The following FMN2 variants were observed in gnomAD, a reference collection of about 807,000 sequenced individuals.
The protein encoded by FMN2 is formin 2.
In FMN2, 51 loss-of-function variants were observed where a neutral mutation model predicts 142.3. That is an observed-to-expected ratio of 0.36 (90% confidence interval 0.29 to 0.45). The LOEUF (loss-of-function observed/expected upper bound fraction) is 0.45, where lower values mean the gene tolerates loss of function less well. FMN2 is among the 20% of genes least tolerant of loss of function. The probability of loss-of-function intolerance (pLI) is 1.00; values close to 1 mark genes in which losing one functional copy is unlikely to be tolerated. For synonymous variants in FMN2, 882 were observed against 869.8 expected, an observed-to-expected ratio of 1.01 and a Z score of -0.25; for missense variants, 1,936 against 2,122.8, an observed-to-expected ratio of 0.91 and a Z score of 1.73.
intron 8 of FMN2, among the ~76,000 whole-genome samples, chr1:240,299,941 G>C (rs2102970565): frequency 6.6e-6 from 1 of 152,270 alleles, no homozygotes; most frequent in South Asian, 2.1e-4. Flanking sequence ...GTGGCGCGCT[G>C]TATGAAGGCA....
chr1:240,289,578 G>T (rs1222543544), intron 7 of FMN2, among the ~76,000 whole-genome samples: 1 of 152,014 alleles, frequency 6.6e-6, no homozygotes, highest in Non-Finnish European at 1.5e-5. Flanking sequence ...ACATGGAGAG[G>T]CTGAGATGAG....
At chr1:240,303,039 C>T (rs1218278433) in intron 8 of FMN2, among the ~76,000 whole-genome samples, 2 of 118,492 alleles carry the variant, frequency 1.7e-5, no homozygotes, top group East Asian at 4.7e-4. Context: ...GTCTCTATGA[C>T]TAAAAAAAAA....
At chr1:240,325,709 G>C (rs569854779) in intron 8 of FMN2, among the ~76,000 whole-genome samples, 1 of 152,300 alleles carries the variant, frequency 6.6e-6, no homozygotes, top group Non-Finnish European at 1.5e-5. Flanking sequence ...GTGCAGTAAG[G>C]CATCCCTTTT....
chr1:240,180,145 CT>C, intron 3 of FMN2: 1 of 1,272,492 alleles, frequency 7.9e-7, no homozygotes, highest in Admixed American at 2.4e-5. Flanking sequence ...AACTTGTCTC[CT>C]TTTTAAAAAT....
intron 14 of FMN2, among the ~76,000 whole-genome samples, chr1:240,372,005 G>A (rs755878739): frequency 6.6e-6 from 1 of 152,164 alleles, no homozygotes; most frequent in African/African-American, 2.4e-5. Flanking sequence ...GGAGGCCGAG[G>A]CGGGTGGATC....
intron 6 of FMN2, among the ~76,000 whole-genome samples, chr1:240,237,155 C>T (rs1667738862): frequency 6.6e-6 from 1 of 152,136 alleles, no homozygotes; most frequent in Non-Finnish European, 1.5e-5. Context: ...TCTCATGAAA[C>T]AAAACAATGA....
chr1:240,454,171 C>T (rs1049548357), intron 16 of FMN2, among the ~76,000 whole-genome samples: 4 of 135,234 alleles, frequency 3.0e-5, no homozygotes, highest in Non-Finnish European at 4.8e-5. Flanking sequence ...ACTGTGGATC[C>T]GTAGCAATCA....
chr1:240,216,785 A>G (rs1286237948), intron 6 of FMN2, among the ~76,000 whole-genome samples: 1 of 152,092 alleles, frequency 6.6e-6, no homozygotes, highest in African/African-American at 2.4e-5. Context: ...TGTCTCTACT[A>G]AAAATACAAA....
intron 2 of FMN2, among the ~76,000 whole-genome samples, chr1:240,129,956 G>A (rs1354662248): frequency 6.6e-6 from 1 of 151,910 alleles, no homozygotes; most frequent in Non-Finnish European, 1.5e-5. Context: ...TAAATAATAT[G>A]CTTATGATTT....
intron 2 of FMN2, among the ~76,000 whole-genome samples, chr1:240,151,469 G>A (rs752508557): frequency 8.6e-5 from 13 of 152,044 alleles, no homozygotes; most frequent in African/African-American, 1.9e-4. Context: ...CTTGGTATGC[G>A]CTTTCCTGGG....
At chr1:240,117,099 C>T (rs1662054492) in intron 1 of FMN2, among the ~76,000 whole-genome samples, 1 of 152,094 alleles carries the variant, frequency 6.6e-6, no homozygotes, top group Non-Finnish European at 1.5e-5. Flanking sequence ...ATAAGGAATT[C>T]AGCTCAGAAC....
At chr1:240,462,304 G>C (rs1183497146) in intron 16 of FMN2, among the ~76,000 whole-genome samples, 2 of 152,116 alleles carry the variant, frequency 1.3e-5, no homozygotes, top group Non-Finnish European at 2.9e-5. Context: ...ATGTATTGAA[G>C]ACATTAGTTC....
At chr1:240,332,257 AT>A (rs1192829317) in intron 11 of FMN2, among the ~76,000 whole-genome samples, 25 of 134,294 alleles carry the variant, frequency 1.9e-4, no homozygotes, top group Non-Finnish European at 4.7e-5. Context: ...GATAAATTAC[AT>A]TTGTTAAAAA....
At chr1:240,226,544 T>C (rs948004298) in intron 6 of FMN2, among the ~76,000 whole-genome samples, 1 of 152,062 alleles carries the variant, frequency 6.6e-6, no homozygotes, top group Non-Finnish European at 1.5e-5. Context: ...AAAGTTCAAG[T>C]TGAACGAAAA....
intron 8 of FMN2, among the ~76,000 whole-genome samples, chr1:240,302,520 A>G (rs1670234682): frequency 6.6e-6 from 1 of 152,106 alleles, no homozygotes; most frequent in African/African-American, 2.4e-5. Context: ...GAAATAAGAC[A>G]TCAGTAAGAT....
chr1:240,413,235 GA>G (rs1419878060), intron 15 of FMN2, among the ~76,000 whole-genome samples: 1 of 149,802 alleles, frequency 6.7e-6, no homozygotes, highest in Admixed American at 6.7e-5. Flanking sequence ...GAGGGCTTCA[GA>G]ATGAAGTTGG....
At position 240,455,012 on chromosome 1, in the gene FMN2, T is replaced by A. The variant is rs987401593; in HGVS notation, c.5060+16802T>A. Among the ~76,000 whole-genome samples the A allele has an allele frequency of 4.7e-4, 71 of 149,794 alleles. 4 individuals carry two copies. Among genetic ancestry groups the A allele is most frequent in the Non-Finnish European group, 3.0e-5 (2 of 67,524 alleles). On this transcript the variant is annotated intron_variant, in intron 16 of 17. Coordinates refer to ENST00000319653, the MANE Select transcript of FMN2 (RefSeq NM_020066.5). ...TATGAGGAAAGCTTGGCTCCTACGT[T>A]TAAAAGCTCTCTACTTTATTATTAG...
chr1:240,140,666 G>C (rs972402102), intron 2 of FMN2, among the ~76,000 whole-genome samples: 1 of 152,054 alleles, frequency 6.6e-6, no homozygotes, highest in Non-Finnish European at 1.5e-5. Context: ...AATTCTGTGG[G>C]GGGTGGGTGG....
At chr1:240,439,468 G>A (rs1675533555) in intron 16 of FMN2, among the ~76,000 whole-genome samples, 1 of 152,054 alleles carries the variant, frequency 6.6e-6, no homozygotes, top group Admixed American at 6.6e-5. Flanking sequence ...TACATTTATA[G>A]AGCCTGTAAA....
Sources: gnomAD v4.1 joint callset for allele counts (sites outside exome capture counted in the v4.1 genomes callset) on GRCh38, gnomAD v4.1.1 for gene constraint, MANE v1.5 for transcripts, NCBI Gene and HGNC (gene_info 2026-07-23, HGNC 2026-07-21) for gene names.